The following LAMA1 variants were observed in gnomAD, a reference collection of about 807,000 sequenced individuals.
The protein encoded by LAMA1 is laminin subunit alpha-1.
A neutral mutation model predicts 348.7 loss-of-function variants in LAMA1; 219 were observed. That is an observed-to-expected ratio of 0.63 (90% confidence interval 0.56 to 0.70). The LOEUF (loss-of-function observed/expected upper bound fraction) is 0.70. LAMA1 is among the 30% of genes least tolerant of loss of function. The pLI is 0.00. For synonymous variants in LAMA1, 1,487 were observed against 1,491.0 expected (o/e 1.00, Z 0.06); for missense variants, 3,744 against 3,888.0 (o/e 0.96, Z 0.99).
At chr18:7,018,690 G>A (rs148914421) in intron 19 of LAMA1, among the ~76,000 whole-genome samples, 1 of 152,046 alleles carries the variant, frequency 6.6e-6, no homozygotes, top group Non-Finnish European at 1.5e-5. Context: ...CCACCGCGCC[G>A]GGCCCCCAGG....
At chr18:7,037,294 G>C (rs1256048448) in intron 12 of LAMA1, among the ~76,000 whole-genome samples, 1 of 152,168 alleles carries the variant, frequency 6.6e-6, no homozygotes, top group Non-Finnish European at 1.5e-5. Flanking sequence ...AAGTGATCCA[G>C]GGACCCAGAA....
intron 32 of LAMA1, 33 bp from the exon 33 acceptor site, chr18:6,997,917 A>G: frequency 1.2e-6 from 2 of 1,607,224 alleles, no homozygotes; most frequent in Non-Finnish European, 1.7e-6. Context: ...GGAGAGTTAA[A>G]GTTAATGCGA....
intron 3 of LAMA1, among the ~76,000 whole-genome samples, chr18:7,051,683 T>C (rs2058062818): frequency 6.6e-6 from 1 of 152,198 alleles, no homozygotes; most frequent in African/African-American, 2.4e-5. Context: ...GTATTTTTCA[T>C]AGTGATTTGG....
chr18:7,002,224 T>C (rs1358337998), intron 30 of LAMA1, 40 bp downstream of exon 30: 1 of 1,606,230 alleles, frequency 6.2e-7, no homozygotes, highest in South Asian at 1.1e-5. Context: ...GAAGCAGCCC[T>C]GGGCAGCCCA....
intron 18 of LAMA1, among the ~76,000 whole-genome samples, chr18:7,023,885 C>T (rs2057930441): frequency 1.3e-5 from 2 of 152,194 alleles, no homozygotes; most frequent in Non-Finnish European, 2.9e-5. Context: ...GTCTCCTAGG[C>T]TGGAGTGCAA....
intron 33 of LAMA1, among the ~76,000 whole-genome samples, chr18:6,997,055 C>CTCTTTT (rs201444028): frequency 7.1e-6 from 1 of 141,406 alleles, no homozygotes; most frequent in Non-Finnish European, 1.5e-5. Context: ...TGCTTTTCTT[C>CTCTTTT]TCTTTTTCTT....
chr18:7,051,979 A>C (rs1471712399), intron 3 of LAMA1, among the ~76,000 whole-genome samples: 2 of 152,250 alleles, frequency 1.3e-5, no homozygotes, highest in African/African-American at 4.8e-5. Flanking sequence ...TTAGGTCCAC[A>C]GGAAAACTTG....
At chr18:6,981,850 G>C (rs2057713203) in intron 41 of LAMA1, among the ~76,000 whole-genome samples, 1 of 152,060 alleles carries the variant, frequency 6.6e-6, no homozygotes, top group Non-Finnish European at 1.5e-5. Flanking sequence ...ATATTAAGGT[G>C]GAAAGCACAT....
chr18:7,009,449 T>C (rs2057848923), intron 26 of LAMA1, 83 bp from the exon 27 acceptor site: 3 of 1,464,006 alleles, frequency 2.0e-6, no homozygotes, highest in African/African-American at 2.8e-5. Context: ...AATTCTTTTA[T>C]AAATTTCTCC....
At chr18:7,077,158 G>A (rs1430993167) in intron 3 of LAMA1, among the ~76,000 whole-genome samples, 1 of 150,524 alleles carries the variant, frequency 6.6e-6, no homozygotes, top group Non-Finnish European at 1.5e-5. Flanking sequence ...ATTACCTAAA[G>A]CAGCCTATAA....
chr18:7,049,006 G>T, intron 5 of LAMA1, 72 bp downstream of exon 5: 1 of 1,457,072 alleles, frequency 6.9e-7, no homozygotes, highest in South Asian at 1.2e-5. Flanking sequence ...AAGGAAAGAA[G>T]AAAAATAATA....
intron 40 of LAMA1, 114 bp downstream of exon 40, chr18:6,982,985 T>G (rs1704443535): frequency 7.4e-7 from 1 of 1,359,274 alleles, no homozygotes; most frequent in Non-Finnish European, 1.0e-6. Flanking sequence ...AGAAACAGAT[T>G]CCACCAGAAA....
intron 1 of LAMA1, among the ~76,000 whole-genome samples, chr18:7,102,445 C>A (rs947756761): frequency 6.6e-6 from 1 of 151,902 alleles, no homozygotes; most frequent in African/African-American, 2.4e-5. Context: ...CTCTACTATA[C>A]GTAAAAATAT....
chr18:6,943,272 A>T lies in LAMA1; in HGVS notation c.8975T>A (p.Ile2992Asn), dbSNP rs1268007079. 6.2e-7 allele frequency: 1 copy of T among 1,614,090 alleles called. No individual in the cohort carries two copies. Among genetic ancestry groups the T allele is most frequent in the Non-Finnish European group, 8.5e-7 (1 of 1,180,058 alleles). Residue 2992 changes from isoleucine to asparagine, a missense_variant, in exon 62 of 63, where the codon ATT becomes AAT. Physicochemically the swap from Ile to Asn is moderately radical, Grantham distance 149 (BLOSUM62 -3). Coordinates refer to ENST00000389658, the MANE Select transcript of LAMA1 (RefSeq NM_005559.4). ...AGCGCCAACTGCGTTCCCGTCAACA[A>T]TCAGAGTGATACGGTGTTTGCTTTT... ...ANKSKHRITL[I>N]VDGNAVGAES...
At position 7,038,844 on chromosome 18, in the gene LAMA1, T is replaced by A. The variant is rs1216520872; in HGVS notation, c.1529A>T (p.Asp510Val). 5 of 1,614,052 alleles carry A rather than the reference T, an allele frequency of 3.1e-6. No homozygotes were observed. The highest frequency in any genetic ancestry group is 3.3e-5 in the Admixed American group (2 of 60,016). Reference sequence around the variant, plus strand: ...AGGCCAAGAGAGGCTGCTGCAGACATCAGAAACGCCAAAGCAGAAGCACTC... The same window carrying A: ...AGGCCAAGAGAGGCTGCTGCAGACAACAGAAACGCCAAAGCAGAAGCACTC... ...CSECFCFGVS[D>V]VCSSLSWPVG... The change falls in exon 11 of 63, where the codon GAT becomes GTT. Residue 510 changes from aspartate (D) to valine (V), a missense_variant. Asp to Val is a radical substitution (Grantham distance 152). Transcript: ENST00000389658.
At chr18:7,070,925 G>A (rs1453595669) in intron 3 of LAMA1, among the ~76,000 whole-genome samples, 7 of 144,280 alleles carry the variant, frequency 4.9e-5, no homozygotes, top group African/African-American at 1.3e-4. Flanking sequence ...AAAAAAACAC[G>A]TTAGGTAGCA....
chr18:7,010,650 T>C (rs943539368), intron 25 of LAMA1, among the ~76,000 whole-genome samples: 14 of 152,194 alleles, frequency 9.2e-5, no homozygotes, highest in African/African-American at 3.4e-4. Context: ...GCAAATTATT[T>C]TCAAGCTCCT....
chr18:7,002,405 G>A lies in LAMA1; in HGVS notation c.4261-20C>T. 2 of 1,610,076 alleles carry A rather than the reference G, an allele frequency of 1.2e-6. No homozygotes were observed. The highest frequency in any genetic ancestry group is 2.2e-5 in the East Asian group (1 of 44,878). ...ACAGTTCTGGGAGCCCACATTTAAA[G>A]GAAGGGGGAAAAAATGGGAAATTGT... is the stretch of plus-strand genomic sequence containing the variant. On this transcript the variant is annotated intron_variant, in intron 29 of 62. Coordinates refer to ENST00000389658, the MANE Select transcript of LAMA1 (RefSeq NM_005559.4).
At chr18:7,114,541 G>A (rs896225067) in intron 1 of LAMA1, among the ~76,000 whole-genome samples, 1 of 152,168 alleles carries the variant, frequency 6.6e-6, no homozygotes, top group African/African-American at 2.4e-5. Flanking sequence ...GGTTAACTCT[G>A]TACTAGATAC....
Sources: gnomAD v4.1 joint callset for allele counts (sites outside exome capture counted in the v4.1 genomes callset) on GRCh38, gnomAD v4.1.1 for gene constraint, MANE v1.5 for transcripts, NCBI Gene and HGNC (gene_info 2026-07-23, HGNC 2026-07-21) for gene names.